WFS1: variants seen among roughly 807,000 people sequenced by gnomAD.
WFS1 encodes wolframin ER transmembrane glycoprotein, also known as wolframin.
A neutral mutation model predicts 68.5 loss-of-function variants in WFS1; 90 were observed. That is an observed-to-expected ratio of 1.31 (90% CI 1.11 to 1.56). The LOEUF (loss-of-function observed/expected upper bound fraction) is 1.56. Ranked by LOEUF, WFS1 falls within the 40% of genes most tolerant of loss-of-function variation. The pLI is 0.00. For synonymous variants in WFS1, 860 were observed against 540.7 expected (o/e 1.59, Z -8.19); for missense variants, 1,767 against 1,232.6 (o/e 1.43, Z -6.49).
intron 5 of WFS1, 150 bp from the exon 6 acceptor site, chr4:6,291,767 C>T: frequency 1.2e-6 from 1 of 838,116 alleles, no homozygotes; most frequent in Non-Finnish European, 2.0e-6. Context: ...GGCCCCTGCT[C>T]TGCCTGCCCT....
intron 1 of WFS1, among the ~76,000 whole-genome samples, chr4:6,276,179 G>GCAGCAGGTTCAAGGTC (rs1729989223): frequency 6.6e-6 from 1 of 152,184 alleles, no homozygotes; most frequent in South Asian, 2.1e-4. Context: ...GCCTCACACA[G>GCAGCAGGTTCAAGGTC]CAGCAGGTTC....
chr4:6,271,691 G>A (rs146352227), intron 1 of WFS1, among the ~76,000 whole-genome samples: 4 of 152,170 alleles, frequency 2.6e-5, no homozygotes, highest in East Asian at 1.9e-4. Context: ...AGCCTCACTC[G>A]GATGCCTGCC....
At position 6,291,222 on chromosome 4, in the gene WFS1, G is replaced by A; in HGVS notation, c.486G>A (p.Glu162=). The change falls in exon 5 of 8, where the codon GAG becomes GAA. Residue 162 remains glutamate, a synonymous_variant. Transcript: ENST00000226760. ...RRGITSENER[E]VRQLSSETDL... ...GCATCACGTCCGAGAACGAACGGGA[G>A]GTGAGGCAGCTCTCCTCCGAGACCG... 1 of 1,612,928 alleles carries A rather than the reference G, an allele frequency of 6.2e-7. No individual in the cohort carries two copies. Among genetic ancestry groups the A allele is most frequent in the Non-Finnish European group, 8.5e-7 (1 of 1,180,004 alleles).
chr4:6,286,048 CAA>C lies in WFS1; in HGVS notation c.233-1044_233-1043del, dbSNP rs572610625. Among the ~76,000 whole-genome samples the C allele has an allele frequency of 4.9e-4, 74 of 152,118 alleles. 1 individual carries two copies. Among genetic ancestry groups the C allele is most frequent in the Non-Finnish European group, 1.5e-4 (10 of 67,992 alleles). ...CGGTTCATGGCACCACCGTAGAAAA[CAA>C]GAGGTTATTGGAAGCAACCTACAGA... On this transcript the variant is annotated intron_variant, in intron 2 of 7. Coordinates refer to ENST00000226760, the MANE Select transcript of WFS1 (RefSeq NM_006005.3).
At chr4:6,288,724 C>T (rs1730379256) in intron 3 of WFS1, 8 of 516,362 alleles carry the variant, frequency 1.5e-5, no homozygotes, top group Non-Finnish European at 2.1e-5. Context: ...GGAAGAGAAC[C>T]TGTACCAGTA....
chr4:6,295,879 A>G (rs547931063), intron 7 of WFS1, among the ~76,000 whole-genome samples: 6 of 152,298 alleles, frequency 3.9e-5, no homozygotes, highest in Admixed American at 1.3e-4. Flanking sequence ...TTCAGCTCGC[A>G]TGGTTGAATT....
rs760245117 is a variant in WFS1 at position 6,288,980 on chromosome 4, C to G, written c.316-7C>G. On this transcript the variant is annotated splice_polypyrimidine_tract_variant and splice_region_variant and intron_variant, in intron 3 of 7. Transcript: ENST00000226760. ...AATCTGGAGGCTGACTGGTGTCTGGCTTGCAGGTGGGGAAGCACTACCTGC... is the reference window on the plus strand; with the variant it reads ...AATCTGGAGGCTGACTGGTGTCTGGGTTGCAGGTGGGGAAGCACTACCTGC... 6.2e-7 allele frequency: 1 copy of G among 1,607,516 alleles called. No individual in the cohort carries two copies. Among genetic ancestry groups the G allele is most frequent in the South Asian group, 1.1e-5 (1 of 89,338 alleles).
intron 2 of WFS1, among the ~76,000 whole-genome samples, chr4:6,285,354 A>G (rs1403367535): frequency 1.3e-5 from 2 of 149,144 alleles, no homozygotes; most frequent in Non-Finnish European, 3.0e-5. Flanking sequence ...GGTGGTGTCC[A>G]GGGAAAGCAG....
Position 6,303,080 on chromosome 4 carries a change from GGTA to G in WFS1, c.*615_*617del, listed in dbSNP as rs1731022961. 6.3e-6 allele frequency: 1 copy of G among 157,536 alleles called. No homozygotes were observed. Among genetic ancestry groups the G allele is most frequent in the African/African-American group, 2.4e-5 (1 of 41,458 alleles). The allele number at this position is 157,536 out of a possible 1,614,324, so 9.8% of individuals were successfully genotyped here. On this transcript the variant is annotated 3_prime_UTR_variant, in exon 8 of 8. Transcript: ENST00000226760. ...TGCCTCATGACCCTCCTGTCCAGCA[GGTA>G]GTGGGTGAATGTGTGAAGGTCTTGC...
At chr4:6,285,084 C>T (rs1057325998) in intron 2 of WFS1, among the ~76,000 whole-genome samples, 2 of 151,738 alleles carry the variant, frequency 1.3e-5, no homozygotes, top group African/African-American at 2.4e-5. Flanking sequence ...CCTGCGGGAC[C>T]TGATGCCATC....
Position 6,294,389 on chromosome 4 carries a change from G to A in WFS1, c.713-652G>A, listed in dbSNP as rs113157883. 3.3e-3 allele frequency among the ~76,000 whole-genome samples: 504 copies of A among 152,278 alleles called. 2 individuals are homozygous for A. The highest frequency in any genetic ancestry group is 6.0e-3 in the Non-Finnish European group (406 of 68,014). On this transcript the variant is annotated intron_variant, in intron 6 of 7. Transcript: ENST00000226760. ...TTGGTGGAAGATGTTGGATGGAGGGGTAAGTCGGCCCATGGCAGGACGCAT... is the reference window on the plus strand; with the variant it reads ...TTGGTGGAAGATGTTGGATGGAGGGATAAGTCGGCCCATGGCAGGACGCAT...
Position 6,300,062 on chromosome 4 carries a change from G to C in WFS1, c.862-595G>C, listed in dbSNP as rs563315106. Among the ~76,000 whole-genome samples the C allele has an allele frequency of 1.7e-3, 257 of 152,186 alleles. 2 individuals carry two copies. Among genetic ancestry groups the C allele is most frequent in the South Asian group, 3.1e-3 (15 of 4,830 alleles). On this transcript the variant is annotated intron_variant, in intron 7 of 7. Coordinates refer to ENST00000226760, the MANE Select transcript of WFS1 (RefSeq NM_006005.3). The stretch of plus-strand genomic sequence containing the variant: ...GCAGCTCACCCGGCAGCCCCGTGCA[G>C]CTGAACGGTATTTTTGCTGGGAGAG...
Position 6,295,151 on chromosome 4 carries a change from G to C in WFS1, c.823G>C (p.Ala275Pro). Reference protein sequence around the residue: ...LQDDEDDDELAGKSPEDLPLR... With the variant: ...LQDDEDDDELPGKSPEDLPLR... ...GGACGACGAAGATGATGACGAGCTG[G>C]CGGGGAAGAGCCCTGAGGACCTGCC... Residue 275 changes from alanine (A) to proline (P), a missense_variant, in exon 7 of 8, where the codon GCG (alanine) becomes CCG (proline). Physicochemically the swap from Ala to Pro is conservative, Grantham distance 27. Transcript: ENST00000226760. The C allele has an allele frequency of 6.2e-7, 1 of 1,612,548 alleles. No individual in the cohort carries two copies. Among genetic ancestry groups the C allele is most frequent in the Non-Finnish European group, 8.5e-7 (1 of 1,180,032 alleles).
At chr4:6,273,132 C>CA (rs1488440341) in intron 1 of WFS1, among the ~76,000 whole-genome samples, 3 of 152,200 alleles carry the variant, frequency 2.0e-5, no homozygotes, top group Non-Finnish European at 2.9e-5. Context: ...GTTGCCCCCC[C>CA]AGAGAGAACA....
At chr4:6,285,389 G>T (rs1353679317) in intron 2 of WFS1, among the ~76,000 whole-genome samples, 2 of 151,808 alleles carry the variant, frequency 1.3e-5, no homozygotes, top group African/African-American at 4.8e-5. Flanking sequence ...GGTGTCCAGG[G>T]ATGGGGGCAT....
At chr4:6,299,957 G>C (rs1467880211) in intron 7 of WFS1, among the ~76,000 whole-genome samples, 1 of 151,288 alleles carries the variant, frequency 6.6e-6, no homozygotes, top group African/African-American at 2.4e-5. Context: ...GGGGTGGGTT[G>C]CGTGTGTGTG....
At chr4:6,298,386 C>A (rs1730702984) in intron 7 of WFS1, among the ~76,000 whole-genome samples, 1 of 152,248 alleles carries the variant, frequency 6.6e-6, no homozygotes, top group South Asian at 2.1e-4. Context: ...CTGGTCTTCC[C>A]TGGCCATCTC....
At chr4:6,293,531 C>T (rs1730528969) in intron 6 of WFS1, among the ~76,000 whole-genome samples, 1 of 152,278 alleles carries the variant, frequency 6.6e-6, no homozygotes, top group African/African-American at 2.4e-5. Flanking sequence ...ATCAGTGACC[C>T]CCCTTGCTCA....
chr4:6,299,691 G>A (rs1356271783), intron 7 of WFS1, among the ~76,000 whole-genome samples: 14 of 134,572 alleles, frequency 1.0e-4, no homozygotes, highest in Non-Finnish European at 1.8e-4. Flanking sequence ...GGTAGGTTGC[G>A]TGTGTGTGAA....
Sources: gnomAD v4.1 joint callset for allele counts (sites outside exome capture counted in the v4.1 genomes callset) on GRCh38, gnomAD v4.1.1 for gene constraint, MANE v1.5 for transcripts, NCBI Gene and HGNC (gene_info 2026-07-23, HGNC 2026-07-21) for gene names.